The following MDGA2 variants were observed in gnomAD, a reference collection of about 807,000 sequenced individuals.
MDGA2 encodes MAM domain-containing glycosylphosphatidylinositol anchor protein 2.
In MDGA2, 40 loss-of-function variants were observed where a neutral mutation model predicts 117.8. The observed-to-expected ratio is 0.34, with a 90% CI of 0.26 to 0.44. MDGA2 has a LOEUF of 0.44. Among genes scored for constraint, MDGA2 ranks in the 20% least tolerant of loss-of-function variants. The pLI is 1.00. For synonymous variants in MDGA2, 452 were observed against 439.0 expected (o/e 1.03, Z -0.37); for missense variants, 1,123 against 1,250.6 (o/e 0.90, Z 1.54).
chr14:47,233,346 C>G (rs547063243), intron 2 of MDGA2, among the ~76,000 whole-genome samples: 2 of 151,878 alleles, frequency 1.3e-5, no homozygotes, highest in Non-Finnish European at 2.9e-5. Context: ...ATTACAAAAC[C>G]GATATATTAA....
chr14:47,509,782 TGC>T (rs1894600380), intron 1 of MDGA2, among the ~76,000 whole-genome samples: 1 of 152,246 alleles, frequency 6.6e-6, no homozygotes, highest in Non-Finnish European at 1.5e-5. Flanking sequence ...ATCTTATGAC[TGC>T]CTCCAATGTT....
At chr14:46,963,896 T>C (rs746356963) in intron 8 of MDGA2, among the ~76,000 whole-genome samples, 1 of 152,166 alleles carries the variant, frequency 6.6e-6, no homozygotes, top group African/African-American at 2.4e-5. Context: ...TTGAGTGGTG[T>C]TAAAAGAGTA....
At chr14:47,469,790 T>A (rs545626849) in intron 1 of MDGA2, among the ~76,000 whole-genome samples, 154 of 152,292 alleles carry the variant, frequency 1.0e-3, no homozygotes, top group African/African-American at 3.4e-3. Flanking sequence ...AGTGTTCCTA[T>A]TTCTCCACAT....
intron 8 of MDGA2, among the ~76,000 whole-genome samples, chr14:46,986,395 C>G (rs1482587767): frequency 1.3e-5 from 2 of 151,888 alleles, no homozygotes; most frequent in African/African-American, 4.8e-5. Context: ...TATAAAGCAC[C>G]AGGGTGATTT....
Position 47,215,884 on chromosome 14 carries a change from C to T in MDGA2, c.595+2137G>A, listed in dbSNP as rs540999013. ...GATGTTTCATTGAAATAACATAGAA[C>T]GAGATGCTTGTCAAGTCGAGGTTGC... On this transcript the variant is annotated intron_variant, in intron 3 of 16. Transcript: ENST00000399232. 2.6e-5 allele frequency among the ~76,000 whole-genome samples: 4 copies of T among 152,082 alleles called. No individual in the cohort carries two copies. In the East Asian group the frequency reaches 7.7e-4, roughly 29 times the overall value.
At chr14:47,013,952 C>T (rs1309712657) in intron 8 of MDGA2, among the ~76,000 whole-genome samples, 5 of 151,202 alleles carry the variant, frequency 3.3e-5, no homozygotes, top group East Asian at 2.0e-4. Flanking sequence ...TGCACCACCA[C>T]GCCTAGCTAA....
intron 8 of MDGA2, among the ~76,000 whole-genome samples, chr14:46,983,137 A>G (rs1293237082): frequency 6.6e-6 from 1 of 152,116 alleles, no homozygotes; most frequent in African/African-American, 2.4e-5. Context: ...ATGCAAAAAT[A>G]TTTTCAAAGA....
intron 1 of MDGA2, among the ~76,000 whole-genome samples, chr14:47,482,582 AAATTG>A (rs1317976934): frequency 1.3e-5 from 2 of 152,102 alleles, no homozygotes; most frequent in Non-Finnish European, 1.5e-5. Flanking sequence ...TTATTTTACA[AAATTG>A]AATTGAATCT....
At chr14:47,617,393 C>T (rs566952943) in intron 1 of MDGA2, among the ~76,000 whole-genome samples, 49 of 151,942 alleles carry the variant, frequency 3.2e-4, no homozygotes, top group Admixed American at 2.0e-4. Flanking sequence ...TTAGTAGAGA[C>T]AGGGTTCACC....
chr14:47,513,192 T>C (rs1419093372), intron 1 of MDGA2, among the ~76,000 whole-genome samples: 2 of 152,118 alleles, frequency 1.3e-5, no homozygotes, highest in East Asian at 3.9e-4. Flanking sequence ...ATCACCTTAA[T>C]AAAATAGGAA....
intron 1 of MDGA2, among the ~76,000 whole-genome samples, chr14:47,651,351 C>G (rs1422965238): frequency 1.3e-5 from 2 of 151,888 alleles, no homozygotes; most frequent in East Asian, 1.9e-4. Context: ...TAAGCACACA[C>G]AAAGACTCTG....
chr14:47,675,368 G>A lies in MDGA2; in HGVS notation c.-572C>T, dbSNP rs1898165258. On this transcript the variant is annotated 5_prime_UTR_variant, in exon 1 of 17. Transcript: ENST00000399232. ...GGAGGAAGAGGAGGAGTGGGGCTAG[G>A]GGAACGGGGGTGGGGAAGAGGGAAG... is the stretch of plus-strand genomic sequence containing the variant. Among the ~76,000 whole-genome samples, 1 of 151,810 alleles carries A rather than the reference G, an allele frequency of 6.6e-6. No homozygotes were observed. The highest frequency in any genetic ancestry group is 1.5e-5 in the Non-Finnish European group (1 of 67,954).
At chr14:46,962,923 G>A (rs1314771549) in intron 8 of MDGA2, among the ~76,000 whole-genome samples, 1 of 152,194 alleles carries the variant, frequency 6.6e-6, no homozygotes, top group Non-Finnish European at 1.5e-5. Flanking sequence ...GATCTAGAGT[G>A]TTGTGTTACA....
At chr14:47,188,734 A>G (rs183974652) in intron 3 of MDGA2, among the ~76,000 whole-genome samples, 2 of 152,330 alleles carry the variant, frequency 1.3e-5, no homozygotes, top group East Asian at 3.9e-4. Flanking sequence ...TACAAAGAAC[A>G]AAAATGAAAC....
chr14:47,557,877 C>T lies in MDGA2; in HGVS notation c.280+116640G>A, dbSNP rs1365623015. 2.0e-5 allele frequency among the ~76,000 whole-genome samples: 3 copies of T among 152,134 alleles called. No individual in the cohort carries two copies. The East Asian group carries it at 5.8e-4, about 29-fold the overall frequency. The stretch of plus-strand genomic sequence containing the variant: ...ATTAATTTGTACATTCAAAACTCAC[C>T]TCTCCACATTGTTATATAAAAGAGC... On this transcript the variant is annotated intron_variant, in intron 1 of 16. Coordinates refer to ENST00000399232, the MANE Select transcript of MDGA2 (RefSeq NM_001113498.3).
intron 14 of MDGA2, among the ~76,000 whole-genome samples, chr14:46,866,701 A>G (rs1881777555): frequency 6.6e-6 from 1 of 151,986 alleles, no homozygotes; most frequent in Non-Finnish European, 1.5e-5. Flanking sequence ...ACAAGAAAAA[A>G]AAAAACAACC....
At chr14:47,518,405 G>A (rs1233340828) in intron 1 of MDGA2, among the ~76,000 whole-genome samples, 1 of 152,142 alleles carries the variant, frequency 6.6e-6, no homozygotes, top group Admixed American at 6.6e-5. Flanking sequence ...GCATATGTGT[G>A]TTGATAAATA....
At chr14:47,138,358 G>T (rs899537746) in intron 4 of MDGA2, among the ~76,000 whole-genome samples, 7 of 151,996 alleles carry the variant, frequency 4.6e-5, no homozygotes, top group Admixed American at 2.6e-4. Flanking sequence ...AACTAATTAG[G>T]TAATTGATGT....
intron 2 of MDGA2, among the ~76,000 whole-genome samples, chr14:47,245,508 C>A (rs781763814): frequency 1.3e-5 from 2 of 151,624 alleles, no homozygotes; most frequent in Non-Finnish European, 3.0e-5. Flanking sequence ...CAAGGGCCAA[C>A]TGCACAATTA....
Sources: allele counts gnomAD v4.1 joint callset (sites outside exome capture counted in the v4.1 genomes callset), GRCh38; gene constraint gnomAD v4.1.1; transcripts MANE v1.5; gene names NCBI Gene and HGNC (gene_info 2026-07-23, HGNC 2026-07-21).